Variants in COLEC11 observed in about 807,000 individuals in gnomAD.
COLEC11 encodes collectin-11.
COLEC11 carries 20 observed loss-of-function variants against 27.3 expected under a neutral mutation model. That is an observed-to-expected ratio of 0.73 (90% CI 0.51 to 1.06). The LOEUF is 1.06. COLEC11 is among the 50% of genes least tolerant of loss of function. The probability of loss-of-function intolerance (pLI) is 0.00; values close to 1 mark genes in which losing one functional copy is unlikely to be tolerated. For missense variants in COLEC11, 310 were observed against 383.0 expected (o/e 0.81, Z 1.59); for synonymous variants, 163 against 154.7 (o/e 1.05, Z -0.40).
At chr2:3,615,873 G>A (rs1359803722) in intron 3 of COLEC11, among the ~76,000 whole-genome samples, 3 of 131,710 alleles carry the variant, frequency 2.3e-5, no homozygotes, top group African/African-American at 3.2e-5. Context: ...CCTCCCTCCC[G>A]GACGCGGCGG....
chr2:3,604,223 G>C, intron 1 of COLEC11, 92 bp from the exon 2 acceptor site: 1 of 1,424,402 alleles, frequency 7.0e-7, no homozygotes, highest in Admixed American at 1.7e-5. Flanking sequence ...GGCACCAGGA[G>C]GGCTACACCC....
At chr2:3,617,540 A>G (rs981145718) in intron 3 of COLEC11, 10 of 1,566,158 alleles carry the variant, frequency 6.4e-6, no homozygotes, top group Non-Finnish European at 8.8e-6. Flanking sequence ...TTGGCGGCGC[A>G]CGCCTCACTA....
chr2:3,627,059 C>CGG (rs969249925), intron 3 of COLEC11, among the ~76,000 whole-genome samples: 1 of 152,146 alleles, frequency 6.6e-6, no homozygotes. Flanking sequence ...CTCGTTGCAG[C>CGG]GGGGGCACAG....
chr2:3,600,661 G>A (rs1254195692), intron 1 of COLEC11, among the ~76,000 whole-genome samples: 1 of 152,252 alleles, frequency 6.6e-6, no homozygotes, highest in Non-Finnish European at 1.5e-5. Context: ...GAGGGCGCGT[G>A]GATGGGAGCG....
chr2:3,627,572 C>T (rs1295341574), intron 3 of COLEC11, among the ~76,000 whole-genome samples: 1 of 144,052 alleles, frequency 6.9e-6, no homozygotes, highest in African/African-American at 2.6e-5. Flanking sequence ...TGACGGTCTG[C>T]ATCTGGGCAT....
At chr2:3,630,194 T>C (rs1284984418) in intron 3 of COLEC11, among the ~76,000 whole-genome samples, 1 of 152,212 alleles carries the variant, frequency 6.6e-6, no homozygotes, top group African/African-American at 2.4e-5. Flanking sequence ...TGCATATGTG[T>C]ATAGTATGTA....
chr2:3,616,061 C>T (rs1278510917), intron 3 of COLEC11, among the ~76,000 whole-genome samples: 9 of 147,796 alleles, frequency 6.1e-5, no homozygotes, highest in East Asian at 2.1e-4. Flanking sequence ...CGGGCAGAGA[C>T]GCTCCTCACC....
chr2:3,624,556 C>G (rs1241610234), intron 3 of COLEC11, among the ~76,000 whole-genome samples: 1 of 152,130 alleles, frequency 6.6e-6, no homozygotes. Flanking sequence ...TTCACTTACT[C>G]CAGTGGGAAA....
chr2:3,612,320 C>T lies in COLEC11; in HGVS notation c.131-991C>T, dbSNP rs376152058. Among the ~76,000 whole-genome samples the T allele has an allele frequency of 3.3e-5, 5 of 152,290 alleles. No individual in the cohort carries two copies. In the East Asian group the frequency reaches 5.8e-4, roughly 18 times the overall value. ...GCAACCATTCAGAGGAGGGATAGTG[C>T]AACAGGTAAGAAATACGGCCTTATA... On this transcript the variant is annotated intron_variant, in intron 2 of 6. Transcript: ENST00000349077.
intron 2 of COLEC11, among the ~76,000 whole-genome samples, chr2:3,613,048 G>A (rs114117825): frequency 6.6e-6 from 1 of 152,162 alleles, no homozygotes; most frequent in Non-Finnish European, 1.5e-5. Flanking sequence ...CTAGGAGCCC[G>A]CCAAGAGGGG....
intron 3 of COLEC11, among the ~76,000 whole-genome samples, chr2:3,628,235 C>T (rs1664698910): frequency 9.1e-6 from 1 of 110,472 alleles, no homozygotes; most frequent in East Asian, 2.8e-4. Flanking sequence ...GTGTCATCCT[C>T]CCTTCCCCAG....
At chr2:3,620,236 A>G (rs897288189) in intron 3 of COLEC11, among the ~76,000 whole-genome samples, 7 of 152,062 alleles carry the variant, frequency 4.6e-5, no homozygotes, top group Non-Finnish European at 1.0e-4. Flanking sequence ...AATCAGTCTC[A>G]TTACAGATCT....
chr2:3,635,613 G>T (rs556565946), intron 3 of COLEC11, among the ~76,000 whole-genome samples: 1 of 152,164 alleles, frequency 6.6e-6, no homozygotes, highest in African/African-American at 2.4e-5. Context: ...CCGACTTACC[G>T]GCAAACCCTG....
At chr2:3,613,188 G>A (rs1351269878) in intron 2 of COLEC11, 123 bp from the exon 3 acceptor site, 9 of 1,026,132 alleles carry the variant, frequency 8.8e-6, no homozygotes, top group South Asian at 2.7e-5. Context: ...GGTAGGGAGA[G>A]AAGGGGCTTG....
chr2:3,643,514 C>T lies in COLEC11; in HGVS notation c.399C>T (p.Thr133=), dbSNP rs747557916. 6.2e-7 allele frequency: 1 copy of T among 1,613,876 alleles called. No individual in the cohort carries two copies. Among genetic ancestry groups the T allele is most frequent in the East Asian group, 2.2e-5 (1 of 44,860 alleles). ...TGGACAACCAGGTCTCTCAGCTGAC[C>T]AGCGAGCTCAAGTTCATCAAGAATG... ...GEMDNQVSQL[T]SELKFIKNAV... The change falls in exon 6 of 7, where the codon ACC becomes ACT. Residue 133 remains threonine, a synonymous_variant. Transcript: ENST00000349077.
At chr2:3,614,923 C>T (rs1196425023) in intron 3 of COLEC11, among the ~76,000 whole-genome samples, 3 of 152,106 alleles carry the variant, frequency 2.0e-5, no homozygotes, top group Non-Finnish European at 1.5e-5. Flanking sequence ...CCAATATTAG[C>T]AGTTGAAGAA....
intron 2 of COLEC11, among the ~76,000 whole-genome samples, chr2:3,609,352 A>ATTTTTTTTTTTTTT (rs567474674): frequency 2.4e-4 from 21 of 87,486 alleles, no homozygotes; most frequent in East Asian, 3.1e-4. Flanking sequence ...TTTTTCTTTG[A>ATTTTTTTTTTTTTT]TTTTTTTTTT....
intron 3 of COLEC11, among the ~76,000 whole-genome samples, chr2:3,632,794 C>T (rs546832033): frequency 3.9e-4 from 60 of 152,224 alleles, no homozygotes; most frequent in Middle Eastern, 3.4e-3. Flanking sequence ...AGCAGAATCC[C>T]GGGACCCCCA....
chr2:3,633,694 C>T (rs945905833), intron 3 of COLEC11, among the ~76,000 whole-genome samples: 1 of 152,132 alleles, frequency 6.6e-6, no homozygotes, highest in Non-Finnish European at 1.5e-5. Flanking sequence ...TGAGGCTGTC[C>T]CAACCTTCCT....
Sources: gnomAD v4.1 joint callset for allele counts (sites outside exome capture counted in the v4.1 genomes callset) on GRCh38, gnomAD v4.1.1 for gene constraint, MANE v1.5 for transcripts, NCBI Gene and HGNC (gene_info 2026-07-23, HGNC 2026-07-21) for gene names.